Variants in ADGRL3 observed in about 807,000 individuals in gnomAD.
The protein encoded by ADGRL3 is calcium-independent alpha-latrotoxin receptor 3.
In ADGRL3, 62 loss-of-function variants were observed where a neutral mutation model predicts 153.5. The observed-to-expected ratio is 0.40, with a 90% CI of 0.33 to 0.50. The LOEUF is 0.50. ADGRL3 is among the 20% of genes least tolerant of loss of function. The probability of loss-of-function intolerance (pLI) is 0.47; values close to 1 mark genes in which losing one functional copy is unlikely to be tolerated. For synonymous variants in ADGRL3, 710 were observed against 672.5 expected (o/e 1.06, Z -0.86); for missense variants, 1,641 against 1,859.4 (o/e 0.88, Z 2.16).
chr4:61,467,506 GATGA>G (rs930924320), intron 2 of ADGRL3, among the ~76,000 whole-genome samples: 2 of 151,486 alleles, frequency 1.3e-5, no homozygotes, highest in Non-Finnish European at 2.9e-5. Context: ...GAGAGAGAGA[GATGA>G]AGGGAGGGAG....
chr4:61,639,489 T>G (rs1205243350), intron 5 of ADGRL3, among the ~76,000 whole-genome samples: 1 of 152,154 alleles, frequency 6.6e-6, no homozygotes. Flanking sequence ...TATATACTTT[T>G]AACATAGAAA....
intron 26 of ADGRL3, 109 bp downstream of exon 26, chr4:62,068,292 TTAAAAAC>T: frequency 9.8e-7 from 1 of 1,018,966 alleles, no homozygotes. Flanking sequence ...ATCTCACAAT[TTAAAAAC>T]TAAAAAGCCT....
At chr4:61,208,952 C>G (rs963327622) in intron 1 of ADGRL3, among the ~76,000 whole-genome samples, 3 of 152,024 alleles carry the variant, frequency 2.0e-5, no homozygotes, top group African/African-American at 7.3e-5. Flanking sequence ...GTGAAAGAAG[C>G]TATACATTCC....
intron 13 of ADGRL3, among the ~76,000 whole-genome samples, chr4:61,927,476 A>G (rs1198660670): frequency 6.6e-6 from 1 of 152,092 alleles, no homozygotes; most frequent in Non-Finnish European, 1.5e-5. Context: ...CACTTGTGTT[A>G]TATGATTTAA....
At chr4:61,952,014 T>C (rs969598308) in intron 17 of ADGRL3, among the ~76,000 whole-genome samples, 2 of 152,288 alleles carry the variant, frequency 1.3e-5, no homozygotes, top group African/African-American at 2.4e-5. Context: ...GATACAAAGA[T>C]ATAAATGGCT....
intron 11 of ADGRL3, among the ~76,000 whole-genome samples, chr4:61,902,414 C>T (rs549201947): frequency 2.5e-4 from 38 of 152,176 alleles, no homozygotes; most frequent in African/African-American, 3.4e-4. Flanking sequence ...TTCTCATCAC[C>T]CAGATCTCCT....
intron 5 of ADGRL3, among the ~76,000 whole-genome samples, chr4:61,645,081 G>A (rs1372902607): frequency 2.0e-5 from 3 of 151,298 alleles, no homozygotes; most frequent in African/African-American, 4.9e-5. Flanking sequence ...TTTAAAGTCT[G>A]TTTTATCAGA....
intron 8 of ADGRL3, among the ~76,000 whole-genome samples, chr4:61,736,373 G>C (rs906990447): frequency 1.3e-5 from 2 of 152,102 alleles, no homozygotes; most frequent in Non-Finnish European, 2.9e-5. Context: ...GCTATTGAAG[G>C]CTGGGCGTGG....
chr4:61,250,344 G>A (rs1758757930), intron 1 of ADGRL3, among the ~76,000 whole-genome samples: 1 of 152,166 alleles, frequency 6.6e-6, no homozygotes, highest in Non-Finnish European at 1.5e-5. Flanking sequence ...TAAAGGAGGA[G>A]TTGGATTGGC....
intron 5 of ADGRL3, among the ~76,000 whole-genome samples, chr4:61,613,981 C>T (rs931605426): frequency 6.6e-6 from 1 of 152,146 alleles, no homozygotes; most frequent in East Asian, 1.9e-4. Context: ...TTTGTCCAAA[C>T]TTTAGCGGTA....
intron 5 of ADGRL3, among the ~76,000 whole-genome samples, chr4:61,675,822 C>G (rs2095171959): frequency 6.6e-6 from 1 of 151,796 alleles, no homozygotes; most frequent in Non-Finnish European, 1.5e-5. Context: ...CATTTATACT[C>G]TTTTATTTTT....
chr4:61,347,141 A>G (rs757547219), intron 1 of ADGRL3, among the ~76,000 whole-genome samples: 3 of 152,154 alleles, frequency 2.0e-5, no homozygotes, highest in Admixed American at 2.0e-4. Flanking sequence ...AACCTTAAGT[A>G]TCTTCACTGA....
chr4:62,006,632 T>C (rs1018423256), intron 21 of ADGRL3, among the ~76,000 whole-genome samples: 3 of 151,658 alleles, frequency 2.0e-5, no homozygotes, highest in Admixed American at 1.3e-4. Flanking sequence ...ATTTTTGGTA[T>C]TGGTTTCACT....
chr4:61,409,249 ATATATAT>A (rs2152241975), intron 2 of ADGRL3, among the ~76,000 whole-genome samples: 1 of 143,718 alleles, frequency 7.0e-6, no homozygotes, highest in East Asian at 2.0e-4. Context: ...GACATACATA[ATATATAT>A]TATATATTAG....
chr4:61,411,053 A>G (rs2097080876), intron 2 of ADGRL3, among the ~76,000 whole-genome samples: 2 of 152,226 alleles, frequency 1.3e-5, no homozygotes, highest in Admixed American at 6.5e-5. Context: ...TTATTGAGGT[A>G]TGAAACCCCA....
chr4:61,713,707 G>A, intron 6 of ADGRL3, among the ~76,000 whole-genome samples: 1 of 151,832 alleles, frequency 6.6e-6, no homozygotes, highest in East Asian at 1.9e-4. Context: ...AGAAATAAGA[G>A]CCCAAAAAAT....
chr4:61,895,495 ATAATAG>A (rs903394485), intron 10 of ADGRL3, among the ~76,000 whole-genome samples: 24 of 121,002 alleles, frequency 2.0e-4, no homozygotes, highest in Non-Finnish European at 3.7e-4. Flanking sequence ...AATAATAATA[ATAATAG>A]TCCCCATACC....
intron 2 of ADGRL3, among the ~76,000 whole-genome samples, chr4:61,384,307 G>A (rs2096709766): frequency 1.3e-5 from 2 of 151,468 alleles, no homozygotes; most frequent in African/African-American, 2.4e-5. Flanking sequence ...TCTTTCATTT[G>A]GAATTTCTTG....
At chr4:61,644,171 C>T (rs1030429081) in intron 5 of ADGRL3, among the ~76,000 whole-genome samples, 10 of 141,054 alleles carry the variant, frequency 7.1e-5, no homozygotes, top group African/African-American at 2.6e-4. Flanking sequence ...CTATTTGATT[C>T]TTCTCTCTTT....
Sources: gnomAD v4.1 joint callset for allele counts (sites outside exome capture counted in the v4.1 genomes callset) on GRCh38, gnomAD v4.1.1 for gene constraint, MANE v1.5 for transcripts, NCBI Gene and HGNC (gene_info 2026-07-23, HGNC 2026-07-21) for gene names.